RYR1: variants seen among roughly 807,000 people sequenced by gnomAD.
RYR1 encodes central core disease of muscle.
Under a neutral mutation model 583.5 loss-of-function variants are expected in RYR1, and 342 were observed. That is an observed-to-expected ratio of 0.59 (90% CI 0.54 to 0.64). RYR1 has a LOEUF of 0.64. Ranked by LOEUF, RYR1 falls within the 30% of genes least tolerant of loss-of-function variation. The probability of loss-of-function intolerance (pLI) is 0.00; values close to 1 mark genes in which losing one functional copy is unlikely to be tolerated. For missense variants in RYR1, 6,032 were observed against 6,917.2 expected, an observed-to-expected ratio of 0.87 and a Z score of 4.54; for synonymous variants, 2,791 against 2,822.5, an observed-to-expected ratio of 0.99 and a Z score of 0.35.
At chr19:38,552,936 T>C (rs1284612084) in intron 89 of RYR1, among the ~76,000 whole-genome samples, 2 of 152,224 alleles carry the variant, frequency 1.3e-5, no homozygotes, top group East Asian at 3.8e-4. Context: ...GTCACCTACC[T>C]GACATTTTAC....
At position 38,528,991 on chromosome 19, in the gene RYR1, A is replaced by G; in HGVS notation, c.11075A>G (p.Glu3692Gly). The change falls in exon 76 of 106, where the codon GAG becomes GGG. Residue 3692 changes from glutamate to glycine, a missense_variant. This residue lies in a region of RYR1 where 1,493 missense variants were observed against 1,715.5 expected (regional missense o/e 0.87). Transcript: ENST00000359596. ...EQEEEEEEVE[E>G]KKPDPLHQLV... ...GAGGAGGAGGAGGAAGAGGTGGAAG[A>G]GAAGAAGCCAGACCCCCTGCACCAG... 1.2e-6 allele frequency: 2 copies of G among 1,613,436 alleles called. No individual in the cohort carries two copies. The highest frequency in any genetic ancestry group is 1.7e-6 in the Non-Finnish European group (2 of 1,179,754).
intron 47 of RYR1, 72 bp from the exon 48 acceptor site, chr19:38,502,434 AG>A: frequency 7.1e-7 from 1 of 1,405,988 alleles, no homozygotes; most frequent in Non-Finnish European, 9.8e-7. Flanking sequence ...CTTTGGCCAC[AG>A]TCGCTCAAGA....
Position 38,455,667 on chromosome 19 carries a change from G to C in RYR1, c.1707G>C (p.Glu569Asp). Reference protein sequence around the residue: ...ILEVLYCVLIESPEVLNIIQE... With the variant: ...ILEVLYCVLIDSPEVLNIIQE... Reference sequence around the variant, plus strand: ...AGGTCCTGTACTGTGTCCTCATTGAGAGTCCAGAGGTTCTGAACATCATCC... The same window carrying C: ...AGGTCCTGTACTGTGTCCTCATTGACAGTCCAGAGGTTCTGAACATCATCC... Residue 569 changes from glutamate (E) to aspartate (D), a missense_variant, in exon 16 of 106, where the codon GAG becomes GAC. This residue lies in a region of RYR1 where 2,627 missense variants were observed against 2,961.3 expected (regional missense o/e 0.89). Coordinates refer to ENST00000359596, the MANE Select transcript of RYR1 (RefSeq NM_000540.3). 6.2e-7 allele frequency: 1 copy of C among 1,613,910 alleles called. No homozygotes were observed. The highest frequency in any genetic ancestry group is 8.5e-7 in the Non-Finnish European group (1 of 1,179,854).
chr19:38,511,813 G>A (rs1463524248), intron 61 of RYR1, among the ~76,000 whole-genome samples: 4 of 152,170 alleles, frequency 2.6e-5, no homozygotes, highest in African/African-American at 4.8e-5. Context: ...CAGGCCAGTG[G>A]GAGAGACAGA....
At chr19:38,458,889 G>T (rs1165118803) in intron 18 of RYR1, among the ~76,000 whole-genome samples, 1 of 152,176 alleles carries the variant, frequency 6.6e-6, no homozygotes, top group Non-Finnish European at 1.5e-5. Flanking sequence ...AAAGTGCTGG[G>T]ATTACAGGTG....
rs774703332 is a variant in RYR1 at position 38,496,171 on chromosome 19, G to A, written c.6549-44G>A. 19 of 1,545,212 alleles carry A rather than the reference G, an allele frequency of 1.2e-5. No individual in the cohort carries two copies. Among genetic ancestry groups the A allele is most frequent in the South Asian group, 7.8e-5 (7 of 89,614 alleles). On this transcript the variant is annotated intron_variant, in intron 39 of 105. Coordinates refer to ENST00000359596, the MANE Select transcript of RYR1 (RefSeq NM_000540.3). The surrounding 1 kb of genome is among the most constrained non-coding windows in gnomAD (Gnocchi z 4.8). The stretch of plus-strand genomic sequence containing the variant: ...CACAGTGGTGGCTATGGCCCTCTCC[G>A]GACCTGGGCCCCTGGTGACCCCGCA...
intron 89 of RYR1, among the ~76,000 whole-genome samples, chr19:38,549,544 A>C (rs7249859): frequency 0.25 from 38,390 of 151,960 alleles, 5,693 homozygotes; most frequent in African/African-American, 0.4. Context: ...CTGATCTTTA[A>C]TGTTACCATT....
At chr19:38,580,581 C>T (rs1391763462) in intron 101 of RYR1, 77 bp downstream of exon 101, 17 of 1,572,256 alleles carry the variant, frequency 1.1e-5, no homozygotes, top group East Asian at 2.2e-5. Flanking sequence ...ACCTCCAGGC[C>T]GGGCGTGGTG....
intron 47 of RYR1, among the ~76,000 whole-genome samples, chr19:38,501,531 A>G (rs1251354199): frequency 6.6e-6 from 1 of 152,284 alleles, no homozygotes; most frequent in East Asian, 1.9e-4. Context: ...TTGGTTTGGT[A>G]CTGTGGGCAC....
At chr19:38,562,394 C>G (rs371035514) in intron 90 of RYR1, among the ~76,000 whole-genome samples, 43 of 152,056 alleles carry the variant, frequency 2.8e-4, no homozygotes, top group South Asian at 1.0e-3. Context: ...CCTCACACTC[C>G]CCACACGCCC....
chr19:38,557,529 G>A (rs1355801684), intron 89 of RYR1, among the ~76,000 whole-genome samples: 2 of 152,214 alleles, frequency 1.3e-5, no homozygotes, highest in African/African-American at 2.4e-5. Flanking sequence ...ATGACTCAGC[G>A]AGGCTGTGGT....
At position 38,455,833 on chromosome 19, in the gene RYR1, C is replaced by T. The variant is rs1967346670; in HGVS notation, c.1791+82C>T. On this transcript the variant is annotated intron_variant, in intron 16 of 105. Coordinates refer to ENST00000359596, the MANE Select transcript of RYR1 (RefSeq NM_000540.3). ...CAGGGCTCCAGAACTCTGCTCACTC[C>T]CTCACTTCCCTCCTCCATCTCATCT... 3.7e-5 allele frequency: 31 copies of T among 845,294 alleles called. 2 individuals are homozygous for T. In the South Asian group the frequency reaches 4.2e-4, roughly 11 times the overall value. 52.4% of individuals were successfully genotyped at this position (845,294 alleles called of 1,614,324 possible).
At chr19:38,440,189 G>C (rs1972606749) in intron 1 of RYR1, among the ~76,000 whole-genome samples, 1 of 152,208 alleles carries the variant, frequency 6.6e-6, no homozygotes, top group Non-Finnish European at 1.5e-5. Flanking sequence ...CTACTCAGGA[G>C]GCTGAGGCAA....
chr19:38,511,228 G>A (rs1970711200), intron 60 of RYR1, among the ~76,000 whole-genome samples: 1 of 152,026 alleles, frequency 6.6e-6, no homozygotes, highest in African/African-American at 2.4e-5. Context: ...CCCAGGAGTT[G>A]GAGGCTGCAG....
In RYR1 at chr19:38,577,943, A is replaced by C; in HGVS notation, c.14198A>C (p.Tyr4733Ser). 2.5e-6 allele frequency: 4 copies of C among 1,614,104 alleles called. No homozygotes were observed. Among genetic ancestry groups the C allele is most frequent in the Non-Finnish European group, 3.4e-6 (4 of 1,180,018 alleles). Residue 4733 changes from tyrosine (Y) to serine (S), a missense_variant, in exon 98 of 106, where the codon TAC becomes TCC. Transcript: ENST00000359596. Reference protein sequence around the residue: ...RKVLDKHGDIYGRERIAELLG... With the variant: ...RKVLDKHGDISGRERIAELLG... ...GTCCTGGACAAACATGGGGACATCT[A>C]CGGGCGGGAGCGGATTGCTGAGCTA...
intron 57 of RYR1, 45 bp downstream of exon 57, chr19:38,506,997 A>G: frequency 1.2e-6 from 2 of 1,611,228 alleles, no homozygotes; most frequent in Middle Eastern, 4.5e-4. Context: ...GGCAGAACAC[A>G]CCCGGCAAAG....
At chr19:38,555,829 A>G (rs1972855334) in intron 89 of RYR1, among the ~76,000 whole-genome samples, 1 of 152,116 alleles carries the variant, frequency 6.6e-6, no homozygotes, top group African/African-American at 2.4e-5. Context: ...TTACTGTCCA[A>G]CAGAAATACA....
intron 89 of RYR1, 114 bp downstream of exon 89, chr19:38,548,534 T>C: frequency 2.1e-6 from 2 of 964,018 alleles, no homozygotes; most frequent in South Asian, 3.0e-5. Context: ...CTCACTTTCC[T>C]TGTTTGTAAA....
chr19:38,470,023 A>G (rs529416882), intron 27 of RYR1, among the ~76,000 whole-genome samples: 16 of 152,270 alleles, frequency 1.1e-4, no homozygotes, highest in Admixed American at 2.0e-4. Context: ...TGAATTAGCC[A>G]GATGTGGTGG....
Sources: allele counts gnomAD v4.1 joint callset (sites outside exome capture counted in the v4.1 genomes callset), GRCh38; gene constraint gnomAD v4.1.1; regional missense constraint gnomAD v4.1.1; non-coding constraint Gnocchi (gnomAD v3.1); transcripts MANE v1.5; gene names NCBI Gene and HGNC (gene_info 2026-07-23, HGNC 2026-07-21).